Variants in ADAMTS12 observed in about 807,000 individuals in gnomAD.
The protein encoded by ADAMTS12 is ADAM metallopeptidase with thrombospondin type 1 motif 12.
ADAMTS12 carries 118 observed loss-of-function variants against 167.8 expected under a neutral mutation model. The ratio of observed to expected loss-of-function variants is 0.70; its 90% CI spans 0.61 to 0.82. The LOEUF (loss-of-function observed/expected upper bound fraction) is 0.82. Ranked by LOEUF, ADAMTS12 falls within the 40% of genes least tolerant of loss-of-function variation. The pLI, the probability that ADAMTS12 is intolerant of heterozygous loss-of-function variation, is 0.00. For missense variants in ADAMTS12, 1,916 were observed against 1,998.8 expected, an observed-to-expected ratio of 0.96 and a Z score of 0.79; for synonymous variants, 704 against 716.9, an observed-to-expected ratio of 0.98 and a Z score of 0.29.
chr5:33,871,125 AACC>A (rs1384052091), intron 2 of ADAMTS12, among the ~76,000 whole-genome samples: 1 of 152,222 alleles, frequency 6.6e-6, no homozygotes. Flanking sequence ...AGTAAACACA[AACC>A]ACCACAACTC....
chr5:33,771,941 A>G (rs896600250), intron 2 of ADAMTS12, among the ~76,000 whole-genome samples: 11 of 151,592 alleles, frequency 7.3e-5, no homozygotes, highest in African/African-American at 2.7e-4. Flanking sequence ...GCCTCAAGCT[A>G]TTACTTCTGA....
At chr5:33,665,459 C>T (rs369389621) in intron 5 of ADAMTS12, among the ~76,000 whole-genome samples, 1 of 152,086 alleles carries the variant, frequency 6.6e-6, no homozygotes, top group African/African-American at 2.4e-5. Context: ...AGCCATTCCA[C>T]CGTGTACACA....
chr5:33,873,223 C>T (rs1042510624), intron 2 of ADAMTS12, among the ~76,000 whole-genome samples: 5 of 149,624 alleles, frequency 3.3e-5, no homozygotes, highest in African/African-American at 1.2e-4. Flanking sequence ...TGTACCCAGC[C>T]TTGAAGGACA....
At chr5:33,570,425 G>C (rs1366794997) in intron 19 of ADAMTS12, among the ~76,000 whole-genome samples, 1 of 152,180 alleles carries the variant, frequency 6.6e-6, no homozygotes, top group Non-Finnish European at 1.5e-5. Flanking sequence ...AGCCAGAAGA[G>C]AGTGGGGGCC....
chr5:33,857,375 G>A (rs1413117531), intron 2 of ADAMTS12, among the ~76,000 whole-genome samples: 1 of 151,232 alleles, frequency 6.6e-6, no homozygotes, highest in East Asian at 1.9e-4. Context: ...ATACTGAAGT[G>A]TATACTTGAA....
At position 33,801,188 on chromosome 5, in the gene ADAMTS12, T is replaced by C. The variant is rs115173262; in HGVS notation, c.490-49640A>G. On this transcript the variant is annotated intron_variant, in intron 2 of 23. Transcript: ENST00000504830. ...TGATTTCAGCCCGTGAAACCGATTT[T>C]GGACTTCTGGCCTCTAGAACTAAGA... is the stretch of plus-strand genomic sequence containing the variant. Among the ~76,000 whole-genome samples the C allele has an allele frequency of 3.0e-3, 462 of 152,336 alleles. 3 individuals are homozygous for C. The highest frequency in any genetic ancestry group is 0.01 in the African/African-American group (432 of 41,590).
rs1740263122 is a variant in ADAMTS12, at chr5:33,637,731, CCCTCCAAACTTTGG to C, written c.1720_1733del (p.Pro574GlufsTer32). ...GTTTTCTTTCTCCAGTGCAATATTT[CCCTCCAAACTTTGG>C]CCTGCAAATGAAACAGACAAGCTTT... On this transcript the variant is annotated frameshift_variant and splice_region_variant, in exon 12 of 24. Transcript: ENST00000504830. LOFTEE classifies it high-confidence loss of function. The C allele has an allele frequency of 6.2e-7, 1 of 1,612,792 alleles. No homozygotes were observed.
At position 33,576,612 on chromosome 5, in the gene ADAMTS12, C is replaced by G; in HGVS notation, c.3414G>C (p.Trp1138Cys). The change falls in exon 19 of 24, where the codon TGG (tryptophan) becomes TGC (cysteine). Residue 1138 changes from tryptophan to cysteine, a missense_variant. By Grantham distance (215) the Trp-to-Cys change is radical. Transcript: ENST00000504830. ...AGGTATTGTAAAATGGAGTCACAGG[C>G]CAAGTGATAGGGTTGCGGGAAGATG... ...GLSSSRNPIT[W>C]PVTPFYNTLT... is the part of the protein sequence containing the mutation. 1 of 1,614,188 alleles carries G rather than the reference C, an allele frequency of 6.2e-7. No individual in the cohort carries two copies. Among genetic ancestry groups the G allele is most frequent in the Non-Finnish European group, 8.5e-7 (1 of 1,180,036 alleles).
intron 3 of ADAMTS12, among the ~76,000 whole-genome samples, chr5:33,735,158 A>G (rs902771779): frequency 4.6e-5 from 7 of 152,198 alleles, no homozygotes; most frequent in African/African-American, 1.7e-4. Context: ...CAGCACAAAG[A>G]GGTTAAGTAA....
rs1189376123 is a variant in ADAMTS12 at position 33,576,993 on chromosome 5, G to A, written c.3033C>T (p.Ser1011=). ...TTAGTGTTGGTGGGTTTTTTCCATT[G>A]GAAATAGTGCCTTTGTTTGGTTTCA... ...RVLKPNKGTI[S]NGKNPPTLKP... Residue 1011 remains serine (S), a synonymous_variant, in exon 19 of 24, where the codon TCC becomes TCT. Transcript: ENST00000504830. 5 of 1,614,056 alleles carry A rather than the reference G, an allele frequency of 3.1e-6. No individual in the cohort carries two copies. Among genetic ancestry groups the A allele is most frequent in the Non-Finnish European group, 4.2e-6 (5 of 1,180,038 alleles).
At chr5:33,680,512 C>CTTT (rs5867204) in intron 5 of ADAMTS12, among the ~76,000 whole-genome samples, 36 of 149,932 alleles carry the variant, frequency 2.4e-4, no homozygotes, top group African/African-American at 8.1e-4. Context: ...CTTTCTTCTT[C>CTTT]TTTTTTTTTG....
In ADAMTS12 at chr5:33,891,932, C is replaced by T. The variant is rs2111821128; in HGVS notation, c.-76G>A. ...CCAGAAATAAAGCGCTCGCCTGTGGCCCAGCAGGAAGATGCAGGGGTGCAT... is the reference window on the plus strand; with the variant it reads ...CCAGAAATAAAGCGCTCGCCTGTGGTCCAGCAGGAAGATGCAGGGGTGCAT... On this transcript the variant is annotated 5_prime_UTR_variant, in exon 1 of 24. Transcript: ENST00000504830. 6.4e-7 allele frequency: 1 copy of T among 1,559,236 alleles called. No individual in the cohort carries two copies. Among genetic ancestry groups the T allele is most frequent in the Non-Finnish European group, 8.7e-7 (1 of 1,154,096 alleles).
At chr5:33,730,686 C>T (rs1744161986) in intron 3 of ADAMTS12, among the ~76,000 whole-genome samples, 1 of 152,170 alleles carries the variant, frequency 6.6e-6, no homozygotes, top group African/African-American at 2.4e-5. Context: ...TCATCCTTCA[C>T]TTAGTTAGGA....
chr5:33,849,055 A>AAT (rs1178775252), intron 2 of ADAMTS12, among the ~76,000 whole-genome samples: 1 of 112,002 alleles, frequency 8.9e-6, no homozygotes, highest in African/African-American at 3.8e-5. Context: ...ATTGCATAGC[A>AAT]ATATATATAT....
At chr5:33,808,220 G>A (rs150261684) in intron 2 of ADAMTS12, among the ~76,000 whole-genome samples, 1 of 152,204 alleles carries the variant, frequency 6.6e-6, no homozygotes, top group African/African-American at 2.4e-5. Context: ...AAATGGCTGT[G>A]GGGAGCAGGG....
chr5:33,660,250 G>A (rs945833080), intron 6 of ADAMTS12, among the ~76,000 whole-genome samples: 3 of 152,142 alleles, frequency 2.0e-5, no homozygotes, highest in Non-Finnish European at 4.4e-5. Flanking sequence ...TATTCATATT[G>A]GGTAATAGCT....
intron 2 of ADAMTS12, among the ~76,000 whole-genome samples, chr5:33,802,755 T>A (rs573557473): frequency 6.6e-6 from 1 of 152,278 alleles, no homozygotes; most frequent in Admixed American, 6.5e-5. Context: ...TTCTTGGACA[T>A]CCTTTCAAGC....
At chr5:33,625,956 G>T (rs2112126857) in intron 13 of ADAMTS12, among the ~76,000 whole-genome samples, 1 of 152,326 alleles carries the variant, frequency 6.6e-6, no homozygotes, top group African/African-American at 2.4e-5. Flanking sequence ...TGGCAACACA[G>T]AAAGCCCACA....
intron 2 of ADAMTS12, among the ~76,000 whole-genome samples, chr5:33,829,442 T>C (rs1748214426): frequency 6.6e-6 from 1 of 152,182 alleles, no homozygotes; most frequent in Non-Finnish European, 1.5e-5. Flanking sequence ...CTTCTTTCCA[T>C]CCTTCTTCTC....
Sources: allele counts gnomAD v4.1 joint callset (sites outside exome capture counted in the v4.1 genomes callset), GRCh38; gene constraint gnomAD v4.1.1; transcripts MANE v1.5; gene names NCBI Gene and HGNC (gene_info 2026-07-23, HGNC 2026-07-21).